STOX2: variants seen among roughly 807,000 people sequenced by gnomAD.
The protein encoded by STOX2 is storkhead-box protein 2.
A neutral mutation model predicts 60.9 loss-of-function variants in STOX2; 28 were observed. That is an observed-to-expected ratio of 0.46 (90% confidence interval 0.34 to 0.63). The LOEUF (loss-of-function observed/expected upper bound fraction) is 0.63. Ranked by LOEUF, STOX2 falls within the 30% of genes least tolerant of loss-of-function variation. The pLI, the probability that STOX2 is intolerant of heterozygous loss-of-function variation, is 0.01. For synonymous variants in STOX2, 472 were observed against 463.9 expected, an observed-to-expected ratio of 1.02 and a Z score of -0.22; for missense variants, 1,024 against 1,187.7, an observed-to-expected ratio of 0.86 and a Z score of 2.03.
chr4:183,908,247 AG>A (rs1341822795), intron 1 of STOX2, among the ~76,000 whole-genome samples: 1 of 152,254 alleles, frequency 6.6e-6, no homozygotes, highest in Non-Finnish European at 1.5e-5. Context: ...TCGTAAAGAA[AG>A]TGACAACTAC....
chr4:183,951,811 T>C (rs1055827429), intron 1 of STOX2, among the ~76,000 whole-genome samples: 9 of 151,894 alleles, frequency 5.9e-5, no homozygotes, highest in Non-Finnish European at 1.0e-4. Context: ...GGCGTGGTGG[T>C]GCATGCCTGT....
rs1404043298 is a variant in STOX2, at chr4:183,806,677, C to G, written c.364+8622C>G. Among the ~76,000 whole-genome samples the G allele has an allele frequency of 6.6e-6, 1 of 152,184 alleles. No homozygotes were observed. The highest frequency in any genetic ancestry group is 2.4e-5 in the African/African-American group (1 of 41,444). Reference sequence around the variant, plus strand: ...GTGCCTCCCTTCTTCCCCCGACCCCCACTTTCCCTCCAGGATTTGGACTAT... The same window carrying G: ...GTGCCTCCCTTCTTCCCCCGACCCCGACTTTCCCTCCAGGATTTGGACTAT... On this transcript the variant is annotated intron_variant, in intron 1 of 2. Coordinates refer to the STOX2 transcript ENST00000513034. The surrounding 1 kb of genome is among the most constrained non-coding windows in gnomAD (Gnocchi z 4.1).
At chr4:183,849,656 G>C (rs990658719) in intron 1 of STOX2, among the ~76,000 whole-genome samples, 4 of 152,180 alleles carry the variant, frequency 2.6e-5, no homozygotes, top group Non-Finnish European at 4.4e-5. Context: ...ATATGAGATT[G>C]GGATGTGGGA....
Position 184,011,147 on chromosome 4 carries a change from C to G in STOX2, c.2309C>G (p.Ser770Cys), listed in dbSNP as rs1002693251. Residue 770 changes from serine (S) to cysteine (C), a missense_variant, in exon 3 of 4, where the codon TCT becomes TGT. By Grantham distance (112) the Ser-to-Cys change is moderately radical. Around this residue, in one of 3 missense-constraint regions of STOX2, gnomAD observed 922 missense variants for 1,058.3 expected, o/e 0.87. Transcript: ENST00000308497. The surrounding 1 kb of genome is among the most constrained non-coding windows in gnomAD (Gnocchi z 4.4). ...GAGTCAGGAGGGAACCAGGAAGCCT[C>G]TTTTGACTATTACAACGTCTCTGAT... is the stretch of plus-strand genomic sequence containing the variant. Reference protein sequence around the residue: ...QQESGGNQEASFDYYNVSDDD... With the variant: ...QQESGGNQEACFDYYNVSDDD... The G allele has an allele frequency of 1.3e-6, 2 of 1,576,494 alleles. No homozygotes were observed. The highest frequency in any genetic ancestry group is 1.7e-6 in the Non-Finnish European group (2 of 1,164,218).
intron 1 of STOX2, among the ~76,000 whole-genome samples, chr4:183,933,874 G>A (rs927034102): frequency 7.2e-5 from 11 of 152,150 alleles, no homozygotes; most frequent in Non-Finnish European, 1.6e-4. Context: ...TAGCTATCAT[G>A]TGATGAAAAA....
chr4:183,918,553 C>T (rs892127607), intron 1 of STOX2, among the ~76,000 whole-genome samples: 2 of 152,350 alleles, frequency 1.3e-5, no homozygotes, highest in South Asian at 4.1e-4. Flanking sequence ...CTTGCAGAAG[C>T]ACAGTTGAGA....
Position 184,009,516 on chromosome 4 carries a change from C to T in STOX2, c.678C>T (p.Tyr226=), listed in dbSNP as rs371735950. The T allele has an allele frequency of 3.7e-5, 59 of 1,614,068 alleles. No individual in the cohort carries two copies. The African/African-American group carries it at 7.6e-4, about 21-fold the overall frequency. Residue 226 remains tyrosine (Y), a synonymous_variant, in exon 3 of 4, where the codon TAC becomes TAT. Coordinates refer to ENST00000308497, the MANE Select transcript of STOX2 (RefSeq NM_020225.3). This position sits in a 1 kb window ranked among gnomAD's most constrained non-coding sequence, Gnocchi z 4.0. ...RKSAKDCKDP[Y]CPPSLCQVPP... Reference sequence around the variant, plus strand: ...CTGCCAAGGACTGCAAAGACCCTTACTGTCCCCCTTCTCTGTGCCAGGTGC... The same window carrying T: ...CTGCCAAGGACTGCAAAGACCCTTATTGTCCCCCTTCTCTGTGCCAGGTGC...
At chr4:183,935,533 G>T (rs1742567229) in intron 1 of STOX2, among the ~76,000 whole-genome samples, 1 of 152,236 alleles carries the variant, frequency 6.6e-6, no homozygotes, top group Non-Finnish European at 1.5e-5. Flanking sequence ...AAGATCAGAG[G>T]CAGGGCCCAG....
At chr4:183,827,911 C>A (rs889452084) in intron 1 of STOX2, among the ~76,000 whole-genome samples, 3 of 151,442 alleles carry the variant, frequency 2.0e-5, no homozygotes, top group African/African-American at 4.8e-5. Context: ...AAAAAGACGG[C>A]CTTTATTGCC....
At chr4:183,837,924 C>T (rs895016925) in intron 1 of STOX2, among the ~76,000 whole-genome samples, 2 of 152,106 alleles carry the variant, frequency 1.3e-5, no homozygotes, top group Non-Finnish European at 2.9e-5. Context: ...CGTGGGTGTG[C>T]AGATGTGGGT....
At chr4:183,838,157 TTTA>T (rs1323119241) in intron 1 of STOX2, among the ~76,000 whole-genome samples, 1 of 150,870 alleles carries the variant, frequency 6.6e-6, no homozygotes, top group Non-Finnish European at 1.5e-5. Flanking sequence ...ATTTTTAGTA[TTTA>T]TTATTTTTAT....
chr4:183,882,826 G>A (rs1236148671), intron 1 of STOX2, among the ~76,000 whole-genome samples: 5 of 152,204 alleles, frequency 3.3e-5, no homozygotes, highest in African/African-American at 4.8e-5. Context: ...CTAGACAGTG[G>A]CAAAGCCGGG....
At chr4:184,006,591 G>A (rs1324397018) in intron 2 of STOX2, among the ~76,000 whole-genome samples, 1 of 150,384 alleles carries the variant, frequency 6.6e-6, no homozygotes, top group Non-Finnish European at 1.5e-5. Flanking sequence ...AAAAACTGAG[G>A]TGGGAGGATC....
chr4:183,883,420 T>C (rs933914793), intron 1 of STOX2, among the ~76,000 whole-genome samples: 1 of 151,248 alleles, frequency 6.6e-6, no homozygotes, highest in Non-Finnish European at 1.5e-5. Flanking sequence ...CCCAGGTTCA[T>C]GCCATTCTCC....
At chr4:183,923,254 G>C (rs1300675984) in intron 1 of STOX2, among the ~76,000 whole-genome samples, 1 of 152,206 alleles carries the variant, frequency 6.6e-6, no homozygotes, top group East Asian at 1.9e-4. Flanking sequence ...CGGTGTACAA[G>C]GGTTCTAATT....
At chr4:183,938,300 C>T (rs541411616) in intron 1 of STOX2, among the ~76,000 whole-genome samples, 5 of 152,266 alleles carry the variant, frequency 3.3e-5, no homozygotes, top group South Asian at 4.1e-4. Flanking sequence ...TTATTCCCTG[C>T]GAATAGCATT....
chr4:184,002,371 C>T (rs1733629428), intron 2 of STOX2, among the ~76,000 whole-genome samples: 3 of 152,206 alleles, frequency 2.0e-5, no homozygotes. Flanking sequence ...TCTCATTCAA[C>T]TTAGAAGAGA....
intron 1 of STOX2, among the ~76,000 whole-genome samples, chr4:183,979,444 A>C: frequency 6.6e-6 from 1 of 152,160 alleles, no homozygotes; most frequent in East Asian, 1.9e-4. Context: ...TCCAAACCAT[A>C]TCACTGATAT....
intron 1 of STOX2, among the ~76,000 whole-genome samples, chr4:183,888,042 C>T (rs373783046): frequency 1.4e-3 from 212 of 152,326 alleles, no homozygotes; most frequent in African/African-American, 4.8e-3. Context: ...GTGTGAGCCA[C>T]TGCGCCTGGC....
Sources: gnomAD v4.1 joint callset for allele counts (sites outside exome capture counted in the v4.1 genomes callset) on GRCh38, gnomAD v4.1.1 for gene constraint, gnomAD v4.1.1 regional missense constraint, Gnocchi (gnomAD v3.1) non-coding constraint, MANE v1.5 for transcripts, NCBI Gene and HGNC (gene_info 2026-07-23, HGNC 2026-07-21) for gene names.